Variants in FBXO3 observed in about 807,000 individuals in gnomAD.
FBXO3 encodes the protein F-box only protein 3.
In FBXO3, 17 loss-of-function variants were observed where a neutral mutation model predicts 64.8. The ratio of observed to expected loss-of-function variants is 0.26; its 90% CI spans 0.18 to 0.39. FBXO3 has a LOEUF of 0.39. Ranked by LOEUF, FBXO3 falls within the 10% of genes least tolerant of loss-of-function variation. FBXO3 has a pLI of 1.00. For synonymous variants in FBXO3, 182 were observed against 201.6 expected (o/e 0.90, Z 0.82); for missense variants, 420 against 589.9 (o/e 0.71, Z 2.98).
At chr11:33,763,993 A>C (rs897758776) in intron 3 of FBXO3, among the ~76,000 whole-genome samples, 2 of 152,248 alleles carry the variant, frequency 1.3e-5, no homozygotes, top group Non-Finnish European at 2.9e-5. Flanking sequence ...GAAGTTTAAC[A>C]TAAGCAACTC....
intron 7 of FBXO3, among the ~76,000 whole-genome samples, chr11:33,751,088 A>G (rs1211129882): frequency 6.6e-6 from 1 of 152,198 alleles, no homozygotes; most frequent in Admixed American, 6.5e-5. Flanking sequence ...ATTTCTGCCA[A>G]CCAGGCTATT....
intron 3 of FBXO3, among the ~76,000 whole-genome samples, chr11:33,765,091 T>C (rs532473916): frequency 1.3e-5 from 2 of 152,290 alleles, no homozygotes; most frequent in African/African-American, 4.8e-5. Flanking sequence ...GACTGGATCC[T>C]GGAACAGAAA....
chr11:33,756,009 C>T (rs527241421), intron 4 of FBXO3, 34 bp from the exon 5 acceptor site: 21 of 1,553,406 alleles, frequency 1.4e-5, no homozygotes, highest in East Asian at 6.8e-5. Context: ...ATGTAATACA[C>T]GGCAGTGCCA....
At chr11:33,749,619 C>T (rs1340675224) in intron 8 of FBXO3, among the ~76,000 whole-genome samples, 1 of 152,168 alleles carries the variant, frequency 6.6e-6, no homozygotes, top group Non-Finnish European at 1.5e-5. Context: ...TCACCTTAGC[C>T]TCCCAAAGTG....
At chr11:33,763,676 G>A (rs1855297634) in intron 3 of FBXO3, among the ~76,000 whole-genome samples, 1 of 145,602 alleles carries the variant, frequency 6.9e-6, no homozygotes, top group African/African-American at 2.5e-5. Flanking sequence ...ATTTAAAGGT[G>A]AAATGCTTAA....
intron 4 of FBXO3, among the ~76,000 whole-genome samples, chr11:33,757,431 T>C (rs1855125166): frequency 6.9e-6 from 1 of 144,002 alleles, no homozygotes; most frequent in Admixed American, 7.0e-5. Flanking sequence ...CTGGGCAATA[T>C]AGTAAGACCC....
chr11:33,751,375 G>A lies in FBXO3; in HGVS notation c.809+148C>T, dbSNP rs894138594. 7 of 568,196 alleles carry A rather than the reference G, an allele frequency of 1.2e-5. No homozygotes were observed. The African/African-American group carries it at 1.4e-4, about 11-fold the overall frequency. 35.2% of individuals were successfully genotyped at this position (568,196 alleles called of 1,614,324 possible). A position where few individuals can be genotyped will look rare whatever the true frequency, so the allele number is the denominator to read the frequency against. On this transcript the variant is annotated intron_variant, in intron 7 of 10. Transcript: ENST00000265651. ...TTGGCTTTAAAGTGAGAATAAAATAGTGAGACTGAAGACAATCTTCTATTA... is the reference window on the plus strand; with the variant it reads ...TTGGCTTTAAAGTGAGAATAAAATAATGAGACTGAAGACAATCTTCTATTA...
rs781747911 is a variant in FBXO3 at position 33,750,625 on chromosome 11, C to T, written c.846G>A (p.Gly282=). The T allele has an allele frequency of 1.2e-6, 2 of 1,613,518 alleles. No individual in the cohort carries two copies. The highest frequency in any genetic ancestry group is 1.7e-5 in the Admixed American group (1 of 59,994). ...VHDPECVATT[G]DITVSVSTSF... is the part of the protein sequence containing the mutation. ...ATGTGGAAACTGACACAGTAATATC[C>T]CCAGTTGTTGCTACACATTCTGGAT... Residue 282 remains glycine (G), a synonymous_variant, in exon 8 of 11, where the codon GGG becomes GGA. Transcript: ENST00000265651.
At chr11:33,758,423 A>C (rs773577473) in intron 4 of FBXO3, 64 bp downstream of exon 4, 578 of 1,221,016 alleles carry the variant, frequency 4.7e-4, no homozygotes, top group Non-Finnish European at 6.5e-4. Context: ...AATACAATTT[A>C]TTTACTTTCA....
In FBXO3 at chr11:33,741,764, G is replaced by A. The variant is rs965612907; in HGVS notation, c.*144C>T. On this transcript the variant is annotated 3_prime_UTR_variant, in exon 11 of 11. Coordinates refer to ENST00000265651, the MANE Select transcript of FBXO3 (RefSeq NM_012175.4). ...CCCAAACAATCCAATTCCTAATGTAGTGTCACATAGAACCCAGGGCCTGAA... is the reference window on the plus strand; with the variant it reads ...CCCAAACAATCCAATTCCTAATGTAATGTCACATAGAACCCAGGGCCTGAA... 11 of 696,058 alleles carry A rather than the reference G, an allele frequency of 1.6e-5. No individual in the cohort carries two copies. The South Asian group carries it at 3.3e-4, about 21-fold the overall frequency. The allele number at this position is 696,058 out of a possible 1,614,324, so 43.1% of individuals were successfully genotyped here.
intron 4 of FBXO3, among the ~76,000 whole-genome samples, chr11:33,757,656 T>TAACAAAAAAAAAAA (rs1855136986): frequency 4.2e-5 from 1 of 23,980 alleles, no homozygotes; most frequent in Non-Finnish European, 8.0e-5. Context: ...CACCATCTCT[T>TAACAAAAAAAAAAA]AAAAAAAAAA....
At chr11:33,749,392 C>A (rs529666263) in intron 8 of FBXO3, among the ~76,000 whole-genome samples, 2 of 148,802 alleles carry the variant, frequency 1.3e-5, no homozygotes, top group South Asian at 4.2e-4. Flanking sequence ...CAGGGTCTCA[C>A]TCTGCCACCC....
chr11:33,758,193 T>C (rs1216356115), intron 4 of FBXO3, among the ~76,000 whole-genome samples: 2 of 152,194 alleles, frequency 1.3e-5, no homozygotes, highest in Non-Finnish European at 2.9e-5. Flanking sequence ...CTGAAGAATT[T>C]GGTTAAAATA....
At chr11:33,755,706 T>A in intron 5 of FBXO3, 65 bp downstream of exon 5, 1 of 1,162,214 alleles carries the variant, frequency 8.6e-7, no homozygotes. Context: ...AAATACCTAA[T>A]GCATGCATTT....
At chr11:33,756,089 T>A in intron 4 of FBXO3, 114 bp from the exon 5 acceptor site, 1 of 741,928 alleles carries the variant, frequency 1.3e-6, no homozygotes, top group Non-Finnish European at 2.3e-6. Flanking sequence ...CTAATTAACA[T>A]GACAATTCTA....
In FBXO3 at chr11:33,757,471, A is replaced by AT. The variant is rs1156726318; in HGVS notation, c.473+1015_473+1016insA. Among the ~76,000 whole-genome samples the AT allele has an allele frequency of 7.8e-3, 1,109 of 142,220 alleles. 6 individuals are homozygous for AT. The highest frequency in any genetic ancestry group is 0.017 in the South Asian group (77 of 4,516). The allele number at this position is 142,220 out of a possible 152,430, so 93.3% of individuals were successfully genotyped here. ...TCTAATAATAATAATAATAATAATAAAAAAATAAAAATTTAAAATAATAAA... is the reference window on the plus strand; with the variant it reads ...TCTAATAATAATAATAATAATAATAATAAAAATAAAAATTTAAAATAATAAA... On this transcript the variant is annotated intron_variant, in intron 4 of 10. Transcript: ENST00000265651.
intron 6 of FBXO3, chr11:33,753,244 A>C (rs1855008892): frequency 6.6e-6 from 1 of 152,130 alleles, no homozygotes; most frequent in Admixed American, 6.5e-5. Flanking sequence ...AGTGTCTCTC[A>C]ATCTTTTGCT....
At chr11:33,768,187 G>A (rs1855423618) in intron 3 of FBXO3, among the ~76,000 whole-genome samples, 1 of 152,198 alleles carries the variant, frequency 6.6e-6, no homozygotes, top group Non-Finnish European at 1.5e-5. Context: ...AAGCAGGTAA[G>A]TAGCAATCAA....
intron 3 of FBXO3, among the ~76,000 whole-genome samples, chr11:33,765,272 T>A (rs1339272458): frequency 6.6e-6 from 1 of 152,158 alleles, no homozygotes; most frequent in Non-Finnish European, 1.5e-5. Context: ...AACTTTTCTG[T>A]AAATCTCAAA....
Sources: gnomAD v4.1 joint callset for allele counts (sites outside exome capture counted in the v4.1 genomes callset) on GRCh38, gnomAD v4.1.1 for gene constraint, MANE v1.5 for transcripts, NCBI Gene and HGNC (gene_info 2026-07-23, HGNC 2026-07-21) for gene names.